The following DTNB variants were observed in gnomAD, a reference collection of about 807,000 sequenced individuals.
The protein encoded by DTNB is dystrobrevin beta.
Under a neutral mutation model 90.7 loss-of-function variants are expected in DTNB, and 63 were observed. That is an observed-to-expected ratio of 0.69 (90% CI 0.57 to 0.86). The LOEUF (loss-of-function observed/expected upper bound fraction) is 0.86, where lower values mean the gene tolerates loss of function less well. Ranked by LOEUF, DTNB falls within the 40% of genes least tolerant of loss-of-function variation. The pLI is 0.00. For missense variants in DTNB, 744 were observed against 807.1 expected (o/e 0.92, Z 0.95); for synonymous variants, 277 against 286.7 (o/e 0.97, Z 0.34).
intron 7 of DTNB, among the ~76,000 whole-genome samples, chr2:25,580,227 C>T (rs1054419048): frequency 3.3e-5 from 5 of 151,994 alleles, no homozygotes; most frequent in East Asian, 3.9e-4. Flanking sequence ...GTGATCCACC[C>T]GCTTCGGCCT....
At chr2:25,465,292 G>T (rs933693577) in intron 10 of DTNB, among the ~76,000 whole-genome samples, 1 of 151,700 alleles carries the variant, frequency 6.6e-6, no homozygotes, top group Non-Finnish European at 1.5e-5. Flanking sequence ...AGGAGAATGG[G>T]GTGAACCTGG....
intron 2 of DTNB, chr2:25,650,243 T>G (rs1038679992): frequency 3.0e-6 from 3 of 985,342 alleles, no homozygotes. Context: ...TTTCCTATTT[T>G]GTCTGCTTCC....
intron 5 of DTNB, among the ~76,000 whole-genome samples, chr2:25,597,573 A>G (rs2064906219): frequency 6.6e-6 from 1 of 152,218 alleles, no homozygotes; most frequent in African/African-American, 2.4e-5. Flanking sequence ...AAGGCATTAG[A>G]AAAGAAGAAA....
chr2:25,478,340 C>T (rs893692818), intron 10 of DTNB, among the ~76,000 whole-genome samples: 15 of 152,086 alleles, frequency 9.9e-5, no homozygotes, highest in African/African-American at 2.9e-4. Flanking sequence ...GGGAAAAGTG[C>T]GAGAGCGTCG....
At chr2:25,669,873 C>G (rs2085412481) in intron 1 of DTNB, among the ~76,000 whole-genome samples, 1 of 151,638 alleles carries the variant, frequency 6.6e-6, no homozygotes, top group South Asian at 2.1e-4. Context: ...CCACTGCACT[C>G]CAGTCTGGGC....
At chr2:25,568,993 A>G (rs2059439453) in intron 8 of DTNB, among the ~76,000 whole-genome samples, 1 of 152,210 alleles carries the variant, frequency 6.6e-6, no homozygotes, top group African/African-American at 2.4e-5. Flanking sequence ...GCTGTCTCTT[A>G]AGACACAGCG....
At chr2:25,541,191 A>T (rs943265007) in intron 8 of DTNB, among the ~76,000 whole-genome samples, 4 of 152,172 alleles carry the variant, frequency 2.6e-5, no homozygotes, top group African/African-American at 9.7e-5. Context: ...ATATATATAC[A>T]GTTCAGGCCA....
At chr2:25,512,594 T>C (rs922611878) in intron 9 of DTNB, among the ~76,000 whole-genome samples, 3 of 152,206 alleles carry the variant, frequency 2.0e-5, no homozygotes, top group Admixed American at 1.3e-4. Context: ...AAATGACTGA[T>C]AAAACAATAA....
intron 12 of DTNB, among the ~76,000 whole-genome samples, chr2:25,444,223 T>C (rs1026585223): frequency 6.6e-6 from 1 of 152,192 alleles, no homozygotes; most frequent in African/African-American, 2.4e-5. Context: ...ACATTATAGT[T>C]TTGTTTTTAA....
At chr2:25,574,126 A>C (rs1323789165) in intron 8 of DTNB, among the ~76,000 whole-genome samples, 3 of 152,224 alleles carry the variant, frequency 2.0e-5, no homozygotes, top group Admixed American at 2.0e-4. Context: ...CGAAGGCTGA[A>C]AAGTGTAGTC....
chr2:25,551,282 A>G (rs1473044048), intron 8 of DTNB, among the ~76,000 whole-genome samples: 1 of 152,196 alleles, frequency 6.6e-6, no homozygotes, highest in Non-Finnish European at 1.5e-5. Flanking sequence ...TTCTAAGGAA[A>G]TTATATTTAC....
intron 3 of DTNB, 47 bp downstream of exon 3, chr2:25,638,967 T>C: frequency 6.8e-7 from 1 of 1,474,340 alleles, no homozygotes; most frequent in Non-Finnish European, 9.1e-7. Context: ...TTTTCTAATA[T>C]TGAGAACTCT....
chr2:25,565,044 T>C (rs1445163780), intron 8 of DTNB, among the ~76,000 whole-genome samples: 1 of 152,226 alleles, frequency 6.6e-6, no homozygotes, highest in African/African-American at 2.4e-5. Flanking sequence ...GATCATGTCA[T>C]CTGTGAAGAG....
At chr2:25,427,180 AACAC>A (rs3041256) in intron 15 of DTNB, among the ~76,000 whole-genome samples, 17,173 of 139,544 alleles carry the variant, frequency 0.12, 1,241 homozygotes, top group South Asian at 0.17. Flanking sequence ...TCCATCTCAA[AACAC>A]ACACACACAC....
chr2:25,479,408 T>C (rs2064446871), intron 10 of DTNB, among the ~76,000 whole-genome samples: 1 of 152,198 alleles, frequency 6.6e-6, no homozygotes, highest in African/African-American at 2.4e-5. Flanking sequence ...TTTAAGCCTA[T>C]GTTTTAAAGC....
intron 8 of DTNB, among the ~76,000 whole-genome samples, chr2:25,574,241 C>T (rs1033450708): frequency 2.6e-5 from 4 of 152,142 alleles, no homozygotes; most frequent in Non-Finnish European, 4.4e-5. Context: ...AGTCTTTGTC[C>T]GGTTTGTTCA....
chr2:25,586,286 G>A (rs562168843), intron 6 of DTNB, among the ~76,000 whole-genome samples: 58 of 151,966 alleles, frequency 3.8e-4, no homozygotes, highest in Admixed American at 2.1e-3. Context: ...TGAGGCAGGC[G>A]GATCACTTGA....
intron 8 of DTNB, among the ~76,000 whole-genome samples, chr2:25,559,403 CA>C (rs2151180801): frequency 6.6e-6 from 1 of 152,290 alleles, no homozygotes; most frequent in East Asian, 1.9e-4. Context: ...ACCCCTCAAA[CA>C]ACTAGACCTC....
intron 16 of DTNB, among the ~76,000 whole-genome samples, chr2:25,396,626 C>G (rs771764283): frequency 1.3e-5 from 2 of 150,110 alleles, no homozygotes; most frequent in Non-Finnish European, 3.0e-5. Flanking sequence ...GCTTGGGTGA[C>G]GGGGGCACCA....
Sources: gnomAD v4.1 joint callset for allele counts (sites outside exome capture counted in the v4.1 genomes callset) on GRCh38, gnomAD v4.1.1 for gene constraint, MANE v1.5 for transcripts, NCBI Gene and HGNC (gene_info 2026-07-23, HGNC 2026-07-21) for gene names.